The following SAMTOR variants were observed in gnomAD, a reference collection of about 807,000 sequenced individuals.
The protein encoded by SAMTOR is UPF0532 protein C7orf60.
the SAMTOR span, among the ~76,000 whole-genome samples, chr7:112,898,429 G>A: frequency 1.3e-5 from 2 of 152,116 alleles, no homozygotes; most frequent in African/African-American, 4.8e-5. Flanking sequence ...AAGAGTATAG[G>A]AGACTTTGCC....
chr7:112,831,285 T>C, the SAMTOR span, among the ~76,000 whole-genome samples: 1 of 152,220 alleles, frequency 6.6e-6, no homozygotes, highest in Non-Finnish European at 1.5e-5. Context: ...ATATAAATAA[T>C]GTGCCTACTT....
At chr7:112,886,029 C>T in the SAMTOR span, among the ~76,000 whole-genome samples, 1,626 of 152,240 alleles carry the variant, frequency 0.011, 31 homozygotes, top group African/African-American at 0.037. Context: ...TCCTTCCTCA[C>T]CTGGTGGCAG....
the SAMTOR span, chr7:112,915,382 C>G: frequency 1.2e-6 from 2 of 1,613,546 alleles, no homozygotes; most frequent in South Asian, 2.2e-5. Flanking sequence ...TTCATTGCAA[C>G]GGCATATTCA....
At chr7:112,927,949 G>GATA in the SAMTOR span, among the ~76,000 whole-genome samples, 1 of 151,966 alleles carries the variant, frequency 6.6e-6, no homozygotes, top group South Asian at 2.1e-4. Context: ...CTTATATCAA[G>GATA]ATAATACCAT....
At chr7:112,931,810 A>T in the SAMTOR span, among the ~76,000 whole-genome samples, 174 of 152,342 alleles carry the variant, frequency 1.1e-3, 1 homozygote, top group African/African-American at 4.1e-3. Context: ...AGTGGTTGTC[A>T]GATGTTAGAT....
chr7:112,889,610 A>T, the SAMTOR span, among the ~76,000 whole-genome samples: 1,666 of 152,322 alleles, frequency 0.011, 28 homozygotes, highest in African/African-American at 0.039. Context: ...TTTAATGCTA[A>T]ATTTCAATAC....
chr7:112,929,987 A>C, the SAMTOR span, among the ~76,000 whole-genome samples: 1 of 92,814 alleles, frequency 1.1e-5, no homozygotes, highest in African/African-American at 2.6e-5. Flanking sequence ...TCTCTAAAAA[A>C]GCAAAAAAAT....
At chr7:112,929,025 G>A in the SAMTOR span, among the ~76,000 whole-genome samples, 1 of 151,718 alleles carries the variant, frequency 6.6e-6, no homozygotes, top group African/African-American at 2.4e-5. Flanking sequence ...TTACATGCCA[G>A]GACCACTTGA....
the SAMTOR span, among the ~76,000 whole-genome samples, chr7:112,894,135 G>T: frequency 1.5e-4 from 22 of 150,804 alleles, no homozygotes; most frequent in Admixed American, 1.5e-3. Context: ...AGTGTCTTAT[G>T]GAATAGAGAG....
At chr7:112,831,942 A>G in the SAMTOR span, among the ~76,000 whole-genome samples, 1 of 152,184 alleles carries the variant, frequency 6.6e-6, no homozygotes, top group Non-Finnish European at 1.5e-5. Flanking sequence ...AGAAAATAAT[A>G]AACCAAATAT....
the SAMTOR span, chr7:112,821,674 G>T: frequency 3.5e-6 from 5 of 1,415,340 alleles, no homozygotes; most frequent in Non-Finnish European, 4.8e-6. Context: ...CTGAGTTCAT[G>T]TTAGTATTTC....
the SAMTOR span, among the ~76,000 whole-genome samples, chr7:112,838,854 TA>T: frequency 1.3e-5 from 2 of 151,712 alleles, no homozygotes; most frequent in African/African-American, 4.8e-5. Flanking sequence ...GCTGAGCAAA[TA>T]GCAAATAAAC....
chr7:112,902,449 C>CAAAAAAAAAACA, the SAMTOR span, among the ~76,000 whole-genome samples: 42 of 54,936 alleles, frequency 7.6e-4, 1 homozygote, highest in African/African-American at 1.4e-3. Context: ...CAAAAAAAAA[C>CAAAAAAAAAACA]AAAAAAAAAA....
At chr7:112,888,940 G>A in the SAMTOR span, among the ~76,000 whole-genome samples, 3 of 152,130 alleles carry the variant, frequency 2.0e-5, no homozygotes, top group Middle Eastern at 3.4e-3. Flanking sequence ...TTGGTATTTC[G>A]GATCATTTTA....
At chr7:112,821,712 G>C in the SAMTOR span, 1 of 1,545,970 alleles carries the variant, frequency 6.5e-7, no homozygotes, top group Non-Finnish European at 8.7e-7. Flanking sequence ...TAGTTTAGGA[G>C]CCTGGACTGA....
At chr7:112,915,334 C>T in the SAMTOR span, 1 of 1,612,726 alleles carries the variant, frequency 6.2e-7, no homozygotes, top group Non-Finnish European at 8.5e-7. Flanking sequence ...CGACCTTCGC[C>T]CTCACAAGTT....
the SAMTOR span, among the ~76,000 whole-genome samples, chr7:112,893,194 A>G: frequency 1.3e-5 from 2 of 152,212 alleles, no homozygotes; most frequent in Non-Finnish European, 2.9e-5. Context: ...CTCTGAAGCC[A>G]GGTATTGACT....
At chr7:112,821,060 A>C in the SAMTOR span, 3 of 152,518 alleles carry the variant, frequency 2.0e-5, no homozygotes, top group Admixed American at 6.6e-5. Context: ...TGAAAATACT[A>C]CTTTGGCAAT....
chr7:112,911,232 G>A, the SAMTOR span, among the ~76,000 whole-genome samples: 1 of 152,122 alleles, frequency 6.6e-6, no homozygotes, highest in South Asian at 2.1e-4. Flanking sequence ...CAACAGCACT[G>A]GTGGCTGCGA....
Sources: allele counts gnomAD v4.1 joint callset (sites outside exome capture counted in the v4.1 genomes callset), GRCh38; gene constraint gnomAD v4.1.1; transcripts MANE v1.5; gene names NCBI Gene and HGNC (gene_info 2026-07-23, HGNC 2026-07-21).